The following NAALADL2 variants were observed in gnomAD, a reference collection of about 807,000 sequenced individuals.
NAALADL2 encodes inactive N-acetylated-alpha-linked acidic dipeptidase-like protein 2.
NAALADL2 carries 76 observed loss-of-function variants against 87.2 expected under a neutral mutation model. That is an observed-to-expected ratio of 0.87 (90% CI 0.72 to 1.05). The LOEUF (loss-of-function observed/expected upper bound fraction) is 1.05. Among genes scored for constraint, NAALADL2 ranks in the 50% least tolerant of loss-of-function variants. The pLI is 0.00. For missense variants in NAALADL2, 1,089 were observed against 945.8 expected, an observed-to-expected ratio of 1.15 and a Z score of -1.99; for synonymous variants, 354 against 331.0, an observed-to-expected ratio of 1.07 and a Z score of -0.75.
At chr3:175,030,117 A>G (rs556511429) in intron 1 of NAALADL2, among the ~76,000 whole-genome samples, 2 of 152,228 alleles carry the variant, frequency 1.3e-5, no homozygotes, top group South Asian at 4.1e-4. Flanking sequence ...ACTGCCAGAC[A>G]GTCTTCTTAA....
chr3:175,268,732 G>C (rs1752349072), intron 4 of NAALADL2, among the ~76,000 whole-genome samples: 2 of 151,302 alleles, frequency 1.3e-5, no homozygotes, highest in Non-Finnish European at 2.9e-5. Flanking sequence ...AAACTTTTTG[G>C]TTAAAAACTA....
At chr3:175,172,447 T>A (rs1304848456) in intron 2 of NAALADL2, among the ~76,000 whole-genome samples, 1 of 152,152 alleles carries the variant, frequency 6.6e-6, no homozygotes, top group Non-Finnish European at 1.5e-5. Context: ...CCCTCAGTCA[T>A]TATCCAAGTG....
intron 5 of NAALADL2, among the ~76,000 whole-genome samples, chr3:175,355,022 ATGTGTG>A (rs3067322): frequency 0.41 from 57,289 of 139,242 alleles, 11,847 homozygotes; most frequent in East Asian, 0.62. Flanking sequence ...CTATATATAT[ATGTGTG>A]TGTGTGTGTG....
intron 1 of NAALADL2, among the ~76,000 whole-genome samples, chr3:174,468,285 T>A (rs1406197191): frequency 1.3e-5 from 2 of 152,292 alleles, no homozygotes; most frequent in East Asian, 3.9e-4. Context: ...TTATGAGGAA[T>A]GTGAGTGTGA....
intron 2 of NAALADL2, chr3:175,112,687 G>A (rs1381376205): frequency 6.6e-6 from 1 of 151,624 alleles, no homozygotes; most frequent in Non-Finnish European, 1.5e-5. Context: ...CATATTGAAT[G>A]CCTACTCTGT....
chr3:175,666,219 C>G (rs538385301), intron 11 of NAALADL2, among the ~76,000 whole-genome samples: 1 of 151,848 alleles, frequency 6.6e-6, no homozygotes, highest in East Asian at 1.9e-4. Flanking sequence ...AATTTCAGAA[C>G]TGAAGTAAAT....
intron 2 of NAALADL2, among the ~76,000 whole-genome samples, chr3:175,181,718 T>TGTGTGTGTGTATGC (rs1553802465): frequency 0.011 from 826 of 72,322 alleles, 30 homozygotes; most frequent in African/African-American, 0.032. Context: ...TGTGTGTGTG[T>TGTGTGTGTGTATGC]ATATATATGT....
intron 11 of NAALADL2, among the ~76,000 whole-genome samples, chr3:175,708,168 C>T (rs769212742): frequency 2.0e-5 from 3 of 152,160 alleles, no homozygotes; most frequent in South Asian, 2.1e-4. Context: ...CAAGAAATAA[C>T]GCTAGAGAAG....
chr3:174,787,167 G>A (rs78524047), intron 3 of NAALADL2, among the ~76,000 whole-genome samples: 40,494 of 151,762 alleles, frequency 0.27, 5,643 homozygotes, highest in East Asian at 0.42. Context: ...ATCTTTGGGG[G>A]TTAGAGTTAG....
intron 10 of NAALADL2, among the ~76,000 whole-genome samples, chr3:175,580,641 C>T (rs1055859443): frequency 2.0e-5 from 3 of 152,106 alleles, no homozygotes; most frequent in Non-Finnish European, 1.5e-5. Flanking sequence ...TATATAAAGT[C>T]ACTTAAGAAT....
chr3:175,714,572 G>C (rs973377263), intron 11 of NAALADL2, among the ~76,000 whole-genome samples: 5 of 151,890 alleles, frequency 3.3e-5, no homozygotes, highest in Admixed American at 3.3e-4. Context: ...CTTTTTGATG[G>C]GATTGTTTCT....
intron 1 of NAALADL2, among the ~76,000 whole-genome samples, chr3:174,863,072 T>C (rs1363031082): frequency 6.6e-6 from 1 of 152,062 alleles, no homozygotes; most frequent in Non-Finnish European, 1.5e-5. Context: ...CTTCAGAAAA[T>C]TAACATTTTC....
chr3:174,800,618 C>T (rs951780096), intron 3 of NAALADL2, among the ~76,000 whole-genome samples: 6 of 152,114 alleles, frequency 3.9e-5, no homozygotes, highest in East Asian at 3.9e-4. Flanking sequence ...ACTGGGGCAC[C>T]GCCTAGTAGA....
At chr3:174,936,313 A>G (rs1275044101) in intron 1 of NAALADL2, among the ~76,000 whole-genome samples, 1 of 152,064 alleles carries the variant, frequency 6.6e-6, no homozygotes, top group Non-Finnish European at 1.5e-5. Flanking sequence ...TGTACTCTAC[A>G]TGTACCTTGA....
chr3:175,340,453 C>T (rs774060483), intron 5 of NAALADL2, among the ~76,000 whole-genome samples: 4 of 152,078 alleles, frequency 2.6e-5, no homozygotes, highest in Non-Finnish European at 5.9e-5. Context: ...TAGGAGCCCT[C>T]GATTGCTGGG....
At chr3:175,712,328 C>T (rs1244395552) in intron 11 of NAALADL2, among the ~76,000 whole-genome samples, 1 of 152,000 alleles carries the variant, frequency 6.6e-6, no homozygotes, top group Admixed American at 6.6e-5. Flanking sequence ...TTCAATCTTT[C>T]ATGTAATCCA....
At chr3:175,309,482 A>G (rs12637653) in intron 4 of NAALADL2, among the ~76,000 whole-genome samples, 31,385 of 152,080 alleles carry the variant, frequency 0.21, 3,641 homozygotes, top group Middle Eastern at 0.25. Context: ...CACTGTGCCC[A>G]GCCCATTATC....
intron 2 of NAALADL2, among the ~76,000 whole-genome samples, chr3:174,701,481 A>G (rs1226550366): frequency 6.6e-6 from 1 of 152,230 alleles, no homozygotes; most frequent in East Asian, 1.9e-4. Context: ...ACAATAAACT[A>G]CACATATTTA....
intron 11 of NAALADL2, among the ~76,000 whole-genome samples, chr3:175,660,289 T>C (rs148652409): frequency 4.7e-4 from 72 of 152,270 alleles, no homozygotes; most frequent in African/African-American, 1.7e-3. Context: ...ACTTGAACTA[T>C]TCAGTCTTCC....
Sources: gnomAD v4.1 joint callset for allele counts (sites outside exome capture counted in the v4.1 genomes callset) on GRCh38, gnomAD v4.1.1 for gene constraint, MANE v1.5 for transcripts, NCBI Gene and HGNC (gene_info 2026-07-23, HGNC 2026-07-21) for gene names.